The following SCN10A variants were observed in gnomAD, a reference collection of about 807,000 sequenced individuals.
The protein encoded by SCN10A is sodium channel protein type 10 subunit alpha.
A neutral mutation model predicts 170.7 loss-of-function variants in SCN10A; 162 were observed. The observed-to-expected ratio is 0.95, with a 90% confidence interval of 0.84 to 1.08. SCN10A has a LOEUF of 1.08. Ranked by LOEUF, SCN10A falls within the 50% of genes least tolerant of loss-of-function variation. The pLI, the probability that SCN10A is intolerant of heterozygous loss-of-function variation, is 0.00. For synonymous variants in SCN10A, 985 were observed against 904.6 expected (o/e 1.09, Z -1.59); for missense variants, 2,527 against 2,436.9 (o/e 1.04, Z -0.78).
chr3:38,773,809 G>A (rs1031608791), intron 4 of SCN10A, among the ~76,000 whole-genome samples: 2 of 152,176 alleles, frequency 1.3e-5, no homozygotes, highest in Non-Finnish European at 2.9e-5. Context: ...GAAGATGAGG[G>A]TGAGAGGAAA....
intron 3 of SCN10A, 154 bp downstream of exon 3, chr3:38,791,896 A>G: frequency 1.0e-5 from 5 of 495,382 alleles, no homozygotes; most frequent in Non-Finnish European, 1.3e-5. Flanking sequence ...GGGACACATT[A>G]AAGGCCCAAG....
In SCN10A at chr3:38,712,412, A is replaced by T. The variant is rs200324539; in HGVS notation, c.3838T>A (p.Ser1280Thr). ...VVDALVGAIP[S>T]IMNVLLVCLI... is the part of the protein sequence containing the mutation. ...CAGACGAGGAGGACATTCATGATGGATGGGATGGCGCCCACCAGGGCATCC... is the reference window on the plus strand; with the variant it reads ...CAGACGAGGAGGACATTCATGATGGTTGGGATGGCGCCCACCAGGGCATCC... The change falls in exon 23 of 28, where the codon TCC (serine) becomes ACC (threonine). Residue 1280 changes from serine to threonine, a missense_variant. By Grantham distance (58) the Ser-to-Thr change is moderately conservative. Transcript: ENST00000449082. The T allele has an allele frequency of 5.6e-5, 91 of 1,614,060 alleles. No individual in the cohort carries two copies. Among genetic ancestry groups the T allele is most frequent in the Admixed American group, 5.0e-5 (3 of 60,002 alleles).
At chr3:38,731,607 C>G (rs986733048) in intron 15 of SCN10A, among the ~76,000 whole-genome samples, 7 of 152,182 alleles carry the variant, frequency 4.6e-5, no homozygotes, top group Non-Finnish European at 2.9e-5. Flanking sequence ...ACTCCCTCCC[C>G]TTGTGTGATG....
chr3:38,759,821 G>A (rs983750617), intron 8 of SCN10A, among the ~76,000 whole-genome samples: 1 of 152,180 alleles, frequency 6.6e-6, no homozygotes, highest in Non-Finnish European at 1.5e-5. Flanking sequence ...TTTAGAGGAG[G>A]CATGAACTCT....
chr3:38,709,511 G>T lies in SCN10A; in HGVS notation c.4248C>A (p.Val1416=). 6.2e-7 allele frequency: 1 copy of T among 1,612,004 alleles called. No homozygotes were observed. The highest frequency in any genetic ancestry group is 8.5e-7 in the Non-Finnish European group (1 of 1,179,174). Residue 1416 remains valine, a synonymous_variant, in exon 25 of 28, where the codon GTC becomes GTA. Coordinates refer to ENST00000449082, the MANE Select transcript of SCN10A (RefSeq NM_006514.4). ...GFFTLNLFVG[V]IIDNFNQQKK... is the part of the protein sequence containing the mutation. ...TCTGTTGATTGAAGTTGTCAATTATGACCCCAACAAAGAGATTCAGTGTGA... is the reference window on the plus strand; with the variant it reads ...TCTGTTGATTGAAGTTGTCAATTATTACCCCAACAAAGAGATTCAGTGTGA...
intron 21 of SCN10A, among the ~76,000 whole-genome samples, chr3:38,715,836 A>G (rs908628455): frequency 2.6e-5 from 4 of 152,122 alleles, no homozygotes; most frequent in African/African-American, 9.7e-5. Context: ...GATCCTGGAG[A>G]TAGTGAGTAT....
At chr3:38,698,942 C>T (rs977613232) in intron 27 of SCN10A, among the ~76,000 whole-genome samples, 1 of 152,142 alleles carries the variant, frequency 6.6e-6, no homozygotes, top group Non-Finnish European at 1.5e-5. Flanking sequence ...AGACCCTGCT[C>T]CTCCCTGATA....
intron 4 of SCN10A, among the ~76,000 whole-genome samples, chr3:38,774,959 A>G (rs964682818): frequency 1.3e-5 from 2 of 152,182 alleles, no homozygotes; most frequent in Non-Finnish European, 1.5e-5. Flanking sequence ...ATGCACTAGC[A>G]TTGGGATCTG....
intron 18 of SCN10A, among the ~76,000 whole-genome samples, 171 bp downstream of exon 18, chr3:38,725,003 A>G (rs557891070): frequency 5.9e-5 from 9 of 152,296 alleles, no homozygotes; most frequent in Admixed American, 3.9e-4. Context: ...AATTGTGCGG[A>G]TTAGCCGGAG....
chr3:38,800,300 G>A (rs369197780), intron 1 of SCN10A, among the ~76,000 whole-genome samples: 1 of 152,266 alleles, frequency 6.6e-6, no homozygotes, highest in Admixed American at 6.5e-5. Context: ...CCATCACAGG[G>A]GAGAATTGGA....
intron 1 of SCN10A, among the ~76,000 whole-genome samples, chr3:38,810,378 C>G (rs1225208491): frequency 1.3e-5 from 2 of 152,162 alleles, no homozygotes; most frequent in East Asian, 3.9e-4. Flanking sequence ...TTCAGTGTTG[C>G]TGTGCAGTTC....
At chr3:38,765,175 G>A (rs1013678155) in intron 5 of SCN10A, among the ~76,000 whole-genome samples, 16 of 152,144 alleles carry the variant, frequency 1.1e-4, no homozygotes, top group East Asian at 3.8e-4. Context: ...TGTTTACTTG[G>A]ATGATTATTT....
At chr3:38,715,033 C>A (rs1025073117) in intron 21 of SCN10A, among the ~76,000 whole-genome samples, 1 of 152,178 alleles carries the variant, frequency 6.6e-6, no homozygotes, top group African/African-American at 2.4e-5. Context: ...CAAGCAATGT[C>A]CATTCTTTGG....
rs1281239633 is a variant in SCN10A at position 38,728,830 on chromosome 3, C to A, written c.2352G>T (p.Val784=). Residue 784 remains valine, a synonymous_variant, in exon 16 of 28, where the codon GTG becomes GTT. Transcript: ENST00000449082. The stretch of plus-strand genomic sequence containing the variant: ...TGATGGTGAGGTTCCCCAGTGCCCC[C>A]ACTGAGTTTCCGATGATCTTGATGA... The part of the protein sequence containing the change: ...NTLIKIIGNS[V]GALGNLTIIL... 3.1e-6 allele frequency: 5 copies of A among 1,614,104 alleles called. No homozygotes were observed. In the African/African-American group the frequency reaches 5.3e-5, roughly 17 times the overall value.
intron 1 of SCN10A, among the ~76,000 whole-genome samples, chr3:38,808,252 TC>T (rs2064417967): frequency 1.3e-4 from 1 of 7,934 alleles, no homozygotes; most frequent in Non-Finnish European, 2.3e-4. Context: ...TGCTTTTTTC[TC>T]TCTCTCTCAG....
intron 4 of SCN10A, among the ~76,000 whole-genome samples, chr3:38,783,817 C>T (rs1385891134): frequency 6.6e-6 from 1 of 151,926 alleles, no homozygotes; most frequent in Non-Finnish European, 1.5e-5. Context: ...TTTACACTCC[C>T]ACCAGCAGTG....
At chr3:38,789,395 G>A (rs1429732180) in intron 3 of SCN10A, among the ~76,000 whole-genome samples, 5 of 152,108 alleles carry the variant, frequency 3.3e-5, no homozygotes. Flanking sequence ...AAGATAGAAG[G>A]AAACAGACTC....
chr3:38,793,314 G>A (rs1349579452), intron 2 of SCN10A, among the ~76,000 whole-genome samples: 1 of 152,002 alleles, frequency 6.6e-6, no homozygotes, highest in African/African-American at 2.4e-5. Context: ...ACAGTTTTGG[G>A]GACACCAGGG....
chr3:38,752,178 G>A (rs750107407), intron 12 of SCN10A, 41 bp downstream of exon 12: 4 of 1,459,316 alleles, frequency 2.7e-6, no homozygotes, highest in Non-Finnish European at 2.7e-6. Flanking sequence ...GCTTCTAGGT[G>A]GAAGACAGCC....
Sources: allele counts gnomAD v4.1 joint callset (sites outside exome capture counted in the v4.1 genomes callset), GRCh38; gene constraint gnomAD v4.1.1; transcripts MANE v1.5; gene names NCBI Gene and HGNC (gene_info 2026-07-23, HGNC 2026-07-21).